The following GLIS3 variants were observed in gnomAD, a reference collection of about 807,000 sequenced individuals.
GLIS3 encodes the protein zinc finger protein GLIS3.
Under a neutral mutation model 78.6 loss-of-function variants are expected in GLIS3, and 53 were observed. The observed-to-expected ratio is 0.67, with a 90% CI of 0.54 to 0.85. The LOEUF (loss-of-function observed/expected upper bound fraction) is 0.85. GLIS3 is among the 40% of genes least tolerant of loss of function. GLIS3 has a pLI of 0.00. For missense variants in GLIS3, 1,703 were observed against 1,231.1 expected, an observed-to-expected ratio of 1.38 and a Z score of -5.74; for synonymous variants, 684 against 509.9, an observed-to-expected ratio of 1.34 and a Z score of -4.60.
the GLIS3 span, among the ~76,000 whole-genome samples, chr9:4,441,837 T>G: frequency 6.6e-6 from 1 of 152,150 alleles, no homozygotes; most frequent in Non-Finnish European, 1.5e-5. Flanking sequence ...AATCCTGGGC[T>G]CAAGTGATCT....
chr9:3,988,104 C>T (rs548647763), intron 4 of GLIS3, among the ~76,000 whole-genome samples: 1 of 151,986 alleles, frequency 6.6e-6, no homozygotes, highest in Non-Finnish European at 1.5e-5. Context: ...AATCTGTAAC[C>T]ATGGAGTCCA....
At chr9:4,436,382 A>G in the GLIS3 span, among the ~76,000 whole-genome samples, 1 of 152,190 alleles carries the variant, frequency 6.6e-6, no homozygotes, top group Non-Finnish European at 1.5e-5. Context: ...AAATTGTAAC[A>G]CGATAATATT....
the GLIS3 span, among the ~76,000 whole-genome samples, chr9:4,466,721 C>A: frequency 6.6e-6 from 1 of 152,118 alleles, no homozygotes; most frequent in Non-Finnish European, 1.5e-5. Flanking sequence ...GCGTGAGCGA[C>A]GCAGAAGATG....
At chr9:3,898,645 C>T (rs374704177) in intron 7 of GLIS3, 46 bp downstream of exon 7, 12 of 1,612,616 alleles carry the variant, frequency 7.4e-6, no homozygotes, top group Non-Finnish European at 1.0e-5. Context: ...GAGTAAAAGG[C>T]CTAAAAAAGG....
chr9:4,490,350 G>C, the GLIS3 span: 1 of 183,038 alleles, frequency 5.5e-6, no homozygotes, highest in Non-Finnish European at 1.1e-5. Flanking sequence ...GACCCCGGGC[G>C]TCCCACGCAC....
At chr9:4,115,535 T>G (rs1399788165) in intron 4 of GLIS3, among the ~76,000 whole-genome samples, 2 of 152,136 alleles carry the variant, frequency 1.3e-5, no homozygotes, top group Non-Finnish European at 2.9e-5. Context: ...ATATCTACTT[T>G]AAAAACCAGG....
intron 2 of GLIS3, among the ~76,000 whole-genome samples, chr9:4,141,051 C>A (rs1398017276): frequency 1.3e-5 from 2 of 152,176 alleles, no homozygotes; most frequent in Admixed American, 6.5e-5. Context: ...CCACCCTCCT[C>A]GTCCTCCCAA....
chr9:3,863,896 A>T (rs550297448), intron 8 of GLIS3, among the ~76,000 whole-genome samples: 2 of 152,290 alleles, frequency 1.3e-5, no homozygotes, highest in South Asian at 2.1e-4. Flanking sequence ...CTGTGGAAAG[A>T]AAAAGGGAGG....
At chr9:4,358,463 G>A in the GLIS3 span, among the ~76,000 whole-genome samples, 1 of 152,118 alleles carries the variant, frequency 6.6e-6, no homozygotes, top group African/African-American at 2.4e-5. Context: ...AGTTTTTGCT[G>A]GTAGTATAAT....
At chr9:4,401,373 C>T in the GLIS3 span, among the ~76,000 whole-genome samples, 2 of 151,788 alleles carry the variant, frequency 1.3e-5, no homozygotes, top group Non-Finnish European at 2.9e-5. Flanking sequence ...GATTCTCCTG[C>T]CTCAGCCTCC....
chr9:3,854,975 TATAACTC>T (rs1326031303), intron 9 of GLIS3, among the ~76,000 whole-genome samples: 1 of 152,214 alleles, frequency 6.6e-6, no homozygotes, highest in Non-Finnish European at 1.5e-5. Flanking sequence ...TAATTTCAAG[TATAACTC>T]ATACAGAGAA....
chr9:4,164,530 G>A (rs777168591), intron 2 of GLIS3, among the ~76,000 whole-genome samples: 14 of 152,148 alleles, frequency 9.2e-5, no homozygotes, highest in Admixed American at 3.3e-4. Context: ...ACTGTGAAAG[G>A]GTCAGACTTT....
intron 2 of GLIS3, among the ~76,000 whole-genome samples, chr9:4,150,656 C>A (rs918955366): frequency 6.6e-6 from 1 of 152,142 alleles, no homozygotes; most frequent in Non-Finnish European, 1.5e-5. Flanking sequence ...AAGGGTTTCC[C>A]TCATAAGAAA....
chr9:4,228,747 T>C (rs901227933), intron 2 of GLIS3, among the ~76,000 whole-genome samples: 1 of 152,222 alleles, frequency 6.6e-6, no homozygotes. Context: ...AAAATGATGA[T>C]GCTTCCTCTC....
At chr9:4,431,331 T>G in the GLIS3 span, among the ~76,000 whole-genome samples, 1 of 152,214 alleles carries the variant, frequency 6.6e-6, no homozygotes, top group African/African-American at 2.4e-5. Context: ...GCTCTTGTAT[T>G]AGTGAAGCCA....
At position 4,117,780 on chromosome 9, in the gene GLIS3, G is replaced by A. The variant is rs1192257024; in HGVS notation, c.1698C>T (p.Pro566=). 1.2e-6 allele frequency: 2 copies of A among 1,614,120 alleles called. No homozygotes were observed. The highest frequency in any genetic ancestry group is 1.1e-5 in the South Asian group (1 of 91,076). ...IHMRVHSGEK[P]NKCTFEGCEK... ...TTCGGAAACTCACCGTACACTTGTTGGGCTTCTCCCCAGAGTGGACTCTCA... is the reference window on the plus strand; with the variant it reads ...TTCGGAAACTCACCGTACACTTGTTAGGCTTCTCCCCAGAGTGGACTCTCA... The change falls in exon 4 of 11, where the codon CCC becomes CCT. Residue 566 remains proline (P), a synonymous_variant. Coordinates refer to ENST00000381971, the MANE Select transcript of GLIS3 (RefSeq NM_001042413.2).
chr9:4,415,236 G>A, the GLIS3 span, among the ~76,000 whole-genome samples: 1 of 152,094 alleles, frequency 6.6e-6, no homozygotes, highest in East Asian at 1.9e-4. Context: ...CAAAGTCCTG[G>A]TTGCCCATCC....
chr9:3,981,791 C>T (rs1433364495), intron 4 of GLIS3, among the ~76,000 whole-genome samples: 1 of 152,102 alleles, frequency 6.6e-6, no homozygotes, highest in Non-Finnish European at 1.5e-5. Context: ...TAGCATATAA[C>T]CTTACCAAGC....
chr9:4,189,609 T>C (rs1176940407), intron 2 of GLIS3, among the ~76,000 whole-genome samples: 1 of 152,128 alleles, frequency 6.6e-6, no homozygotes, highest in Non-Finnish European at 1.5e-5. Context: ...AAGTCTCCCA[T>C]TATTATTGTG....
Sources: gnomAD v4.1 joint callset for allele counts (sites outside exome capture counted in the v4.1 genomes callset) on GRCh38, gnomAD v4.1.1 for gene constraint, MANE v1.5 for transcripts, NCBI Gene and HGNC (gene_info 2026-07-23, HGNC 2026-07-21) for gene names.